ATF4: variants seen among roughly 807,000 people sequenced by gnomAD.
ATF4 encodes the protein activating transcription factor 4.
In ATF4, 8 loss-of-function variants were observed where a neutral mutation model predicts 21.0. The observed-to-expected ratio is 0.38, with a 90% CI of 0.22 to 0.69. ATF4 has a LOEUF of 0.69. Among genes scored for constraint, ATF4 ranks in the 30% least tolerant of loss-of-function variants. The pLI is 0.49. For synonymous variants in ATF4, 241 were observed against 166.4 expected, an observed-to-expected ratio of 1.45 and a Z score of -3.45; for missense variants, 549 against 425.9, an observed-to-expected ratio of 1.29 and a Z score of -2.54.
rs748131287 is a variant in ATF4, at chr22:39,522,045, C to G, written c.499C>G (p.Pro167Ala). The change falls in exon 3 of 3, where the codon CCA becomes GCA. Residue 167 changes from proline to alanine, a missense_variant. Transcript: ENST00000674920. ...CTTCTTACAACCTCTTCCCCTTTCC[C>G]CAGGGGTCCTGTCCTCCACTCCAGA... The part of the protein sequence containing the change: ...FTFLQPLPLS[P>A]GVLSSTPDHS... 3 of 1,613,914 alleles carry G rather than the reference C, an allele frequency of 1.9e-6. No individual in the cohort carries two copies. The South Asian group carries it at 3.3e-5, about 18-fold the overall frequency.
At chr22:39,522,684 G>C, downstream of ATF4, 1 of 1,291,896 alleles carries the variant, frequency 7.7e-7, no homozygotes, top group Non-Finnish European at 1.0e-6. Flanking sequence ...TGTAGGGAAA[G>C]TACTTGTGCG....
chr22:39,521,129 T>C (rs540961734), intron 1 of ATF4: 10 of 187,528 alleles, frequency 5.3e-5, no homozygotes, highest in African/African-American at 2.1e-4. Context: ...TATTTGGACG[T>C]GGGGACGGAG....
Position 39,522,460 on chromosome 22 carries a change from C to T in ATF4, c.914C>T (p.Ala305Val), listed in dbSNP as rs764347691. The part of the protein sequence containing the change: ...YRQKKRAEQE[A>V]LTGECKELEK... The stretch of plus-strand genomic sequence containing the variant: ...CAGAAGAAGAGGGCGGAGCAGGAGG[C>T]TCTTACTGGTGAGTGCAAAGAGCTG... The change falls in exon 3 of 3, where the codon GCT (alanine) becomes GTT (valine). Residue 305 changes from alanine (A) to valine (V), a missense_variant. By Grantham distance (64) the Ala-to-Val change is moderately conservative. Coordinates refer to ENST00000674920, the MANE Select transcript of ATF4 (RefSeq NM_182810.3). The T allele has an allele frequency of 9.3e-6, 15 of 1,613,736 alleles. No homozygotes were observed. In the South Asian group the frequency reaches 1.5e-4, roughly 17 times the overall value.
chr22:39,521,237 G>GC (rs1753498579), intron 1 of ATF4, 117 bp from the exon 2 acceptor site: 1 of 447,580 alleles, frequency 2.2e-6, no homozygotes, highest in Non-Finnish European at 4.0e-6. Context: ...AAATACAACT[G>GC]CCCTGTTCCC....
intron 1 of ATF4, chr22:39,521,088 G>A (rs1199112466): frequency 5.9e-6 from 1 of 168,444 alleles, no homozygotes; most frequent in African/African-American, 2.4e-5. Flanking sequence ...GTCAAGGGCG[G>A]GCGGTGGGCG....
At position 39,521,976 on chromosome 22, in the gene ATF4, C is replaced by T; in HGVS notation, c.430C>T (p.Leu144Phe). 6.2e-7 allele frequency: 1 copy of T among 1,613,580 alleles called. No individual in the cohort carries two copies. The highest frequency in any genetic ancestry group is 8.5e-7 in the Non-Finnish European group (1 of 1,179,802). The change falls in exon 3 of 3, where the codon CTC (leucine) becomes TTC (phenylalanine). Residue 144 changes from leucine to phenylalanine, a missense_variant. Leu to Phe is a conservative substitution (Grantham distance 22). Transcript: ENST00000674920. The part of the protein sequence containing the change: ...PPQTVNPIGH[L>F]PESLTKPDQV... ...CCAGACGGTGAACCCAATTGGCCAT[C>T]TCCCAGAAAGTTTAACAAAACCCGA...
chr22:39,522,530 C>T lies in ATF4; in HGVS notation c.984C>T (p.Ala328=). Residue 328 remains alanine (A), a synonymous_variant, in exon 3 of 3, where the codon GCC becomes GCT. Transcript: ENST00000674920. ...EALKERADSL[A]KEIQYLKDLI... is the part of the protein sequence containing the mutation. ...TAAAAGAGAGGGCGGATTCCCTGGC[C>T]AAGGAGATCCAGTACCTGAAAGATT... The T allele has an allele frequency of 6.2e-7, 1 of 1,601,366 alleles. No individual in the cohort carries two copies. Among genetic ancestry groups the T allele is most frequent in the South Asian group, 1.1e-5 (1 of 89,412 alleles).
chr22:39,521,345 CTCA>C lies in ATF4; in HGVS notation c.-92-7_-92-5del. The stretch of plus-strand genomic sequence containing the variant: ...CTCTAATGGGAGTTGGCTTCTGATT[CTCA>C]TTCAGGCTTCTCACGGCATTCAGCA... On this transcript the variant is annotated splice_region_variant and splice_polypyrimidine_tract_variant and intron_variant, in intron 1 of 2. Transcript: ENST00000674920. 9.6e-7 allele frequency: 1 copy of C among 1,036,938 alleles called. No individual in the cohort carries two copies. The highest frequency in any genetic ancestry group is 1.4e-6 in the Non-Finnish European group (1 of 706,258). The allele number at this position is 1,036,938 out of a possible 1,614,324, so 64.2% of individuals were successfully genotyped here.
rs1930991857 is a variant in ATF4 at position 39,522,134 on chromosome 22, C to G, written c.588C>G (p.Asp196Glu). The change falls in exon 3 of 3, where the codon GAC (aspartate) becomes GAG (glutamate). Residue 196 changes from aspartate to glutamate, a missense_variant. Asp to Glu is a conservative substitution (Grantham distance 45). Coordinates refer to ENST00000674920, the MANE Select transcript of ATF4 (RefSeq NM_182810.3). The stretch of plus-strand genomic sequence containing the variant: ...TCACTGAAGGAGATAGGAAGCCAGA[C>G]TACACTGCTTACGTTGCCATGATCC... ...VDITEGDRKP[D>E]YTAYVAMIPQ... The G allele has an allele frequency of 6.2e-7, 1 of 1,613,790 alleles. No individual in the cohort carries two copies. The highest frequency in any genetic ancestry group is 8.5e-7 in the Non-Finnish European group (1 of 1,179,840).
intron 2 of ATF4, 34 bp from the exon 3 acceptor site, chr22:39,521,739 A>G: frequency 2.5e-6 from 4 of 1,610,542 alleles, no homozygotes; most frequent in Non-Finnish European, 3.4e-6. Flanking sequence ...TTTGTATCTG[A>G]CTCACTTGGC....
At position 39,522,147 on chromosome 22, in the gene ATF4, G is replaced by C. The variant is rs2228181; in HGVS notation, c.601G>C (p.Val201Leu). 35 of 1,613,768 alleles carry C rather than the reference G, an allele frequency of 2.2e-5. No individual in the cohort carries two copies. Among genetic ancestry groups the C allele is most frequent in the Admixed American group, 3.3e-5 (2 of 60,002 alleles). Residue 201 changes from valine (V) to leucine (L), a missense_variant, in exon 3 of 3, where the codon GTT (valine) becomes CTT (leucine). Transcript: ENST00000674920. ...GDRKPDYTAY[V>L]AMIPQCIKEE... ...TAGGAAGCCAGACTACACTGCTTAC[G>C]TTGCCATGATCCCTCAGTGCATAAA... is the stretch of plus-strand genomic sequence containing the variant.
intron 1 of ATF4, chr22:39,520,956 C>T (rs1930899993): frequency 6.5e-6 from 1 of 152,984 alleles, no homozygotes; most frequent in African/African-American, 2.4e-5. Context: ...CGGACTGCTT[C>T]CCCAGGAGCC....
At position 39,522,226 on chromosome 22, in the gene ATF4, C is replaced by G; in HGVS notation, c.680C>G (p.Ser227Cys). The change falls in exon 3 of 3, where the codon TCC becomes TGC. Residue 227 changes from serine to cysteine, a missense_variant. Coordinates refer to ENST00000674920, the MANE Select transcript of ATF4 (RefSeq NM_182810.3). ...AGTGGCATCTGTATGAGCCCAGAGT[C>G]CTATCTGGGGTCTCCTCAGCACAGC... ...NDSGICMSPE[S>C]YLGSPQHSPS... is the part of the protein sequence containing the mutation. 1 of 1,609,134 alleles carries G rather than the reference C, an allele frequency of 6.2e-7. No individual in the cohort carries two copies. The highest frequency in any genetic ancestry group is 8.5e-7 in the Non-Finnish European group (1 of 1,177,052).
In ATF4 at chr22:39,520,586, A is replaced by C. The variant is rs769021949; in HGVS notation, c.-258A>C. ...CCATTTCTACTTTGCCCGCCCACAG[A>C]TGTAGTTTTCTCTGCGCGTGTGCGT... On this transcript the variant is annotated 5_prime_UTR_variant, in exon 1 of 3. The change abolishes an upstream ATG in the 5' untranslated region. Coordinates refer to ENST00000674920, the MANE Select transcript of ATF4 (RefSeq NM_182810.3). The C allele has an allele frequency of 1.3e-5, 2 of 152,708 alleles. No homozygotes were observed. The highest frequency in any genetic ancestry group is 2.1e-4 in the South Asian group (1 of 4,848). 9.5% of individuals were successfully genotyped at this position (152,708 alleles called of 1,614,324 possible).
chr22:39,522,233 G>A lies in ATF4; in HGVS notation c.687G>A (p.Leu229=), dbSNP rs758440007. The A allele has an allele frequency of 2.1e-5, 33 of 1,608,726 alleles. No individual in the cohort carries two copies. Among genetic ancestry groups the A allele is most frequent in the Non-Finnish European group, 8.5e-7 (1 of 1,176,978 alleles). The part of the protein sequence containing the change: ...SGICMSPESY[L]GSPQHSPSTR... The stretch of plus-strand genomic sequence containing the variant: ...TCTGTATGAGCCCAGAGTCCTATCT[G>A]GGGTCTCCTCAGCACAGCCCCTCTA... The change falls in exon 3 of 3, where the codon CTG becomes CTA. Residue 229 remains leucine, a synonymous_variant. Transcript: ENST00000674920.
At position 39,522,132 on chromosome 22, in the gene ATF4, G is replaced by A. The variant is rs772487305; in HGVS notation, c.586G>A (p.Asp196Asn). 5 of 1,613,932 alleles carry A rather than the reference G, an allele frequency of 3.1e-6. No homozygotes were observed. The East Asian group carries it at 1.1e-4, about 36-fold the overall frequency. The change falls in exon 3 of 3, where the codon GAC (aspartate) becomes AAC (asparagine). Residue 196 changes from aspartate to asparagine, a missense_variant. Asp to Asn is a conservative substitution (Grantham distance 23). Transcript: ENST00000674920. ...VDITEGDRKP[D>N]YTAYVAMIPQ... The stretch of plus-strand genomic sequence containing the variant: ...TATCACTGAAGGAGATAGGAAGCCA[G>A]ACTACACTGCTTACGTTGCCATGAT...
At position 39,522,165 on chromosome 22, in the gene ATF4, T is replaced by A. The variant is rs1930995274; in HGVS notation, c.619T>A (p.Cys207Ser). The change falls in exon 3 of 3, where the codon TGC becomes AGC. Residue 207 changes from cysteine to serine, a missense_variant. Physicochemically the swap from Cys to Ser is moderately radical, Grantham distance 112. Transcript: ENST00000674920. Reference protein sequence around the residue: ...YTAYVAMIPQCIKEEDTPSDN... With the variant: ...YTAYVAMIPQSIKEEDTPSDN... ...TGCTTACGTTGCCATGATCCCTCAGTGCATAAAGGAGGAAGACACCCCTTC... is the reference window on the plus strand; with the variant it reads ...TGCTTACGTTGCCATGATCCCTCAGAGCATAAAGGAGGAAGACACCCCTTC... The A allele has an allele frequency of 6.2e-7, 1 of 1,612,950 alleles. No individual in the cohort carries two copies. Among genetic ancestry groups the A allele is most frequent in the South Asian group, 1.1e-5 (1 of 91,014 alleles).
chr22:39,522,366 A>C lies in ATF4; in HGVS notation c.820A>C (p.Lys274Gln), dbSNP rs767533408. 3 of 1,612,866 alleles carry C rather than the reference A, an allele frequency of 1.9e-6. No homozygotes were observed. The highest frequency in any genetic ancestry group is 2.5e-6 in the Non-Finnish European group (3 of 1,179,418). The change falls in exon 3 of 3, where the codon AAG becomes CAG. Residue 274 changes from lysine to glutamine, a missense_variant. By Grantham distance (53) the Lys-to-Gln change is moderately conservative. Transcript: ENST00000674920. ...PGEKMVAAKV[K>Q]GEKLDKKLKK... Reference sequence around the variant, plus strand: ...AGAGAAGATGGTAGCAGCAAAAGTAAAGGGTGAGAAACTGGATAAGAAGCT... The same window carrying C: ...AGAGAAGATGGTAGCAGCAAAAGTACAGGGTGAGAAACTGGATAAGAAGCT...
rs775205463 is a variant in ATF4 at position 39,521,951 on chromosome 22, C to G, written c.405C>G (p.Pro135=). Residue 135 remains proline, a synonymous_variant, in exon 3 of 3, where the codon CCC becomes CCG. Coordinates refer to ENST00000674920, the MANE Select transcript of ATF4 (RefSeq NM_182810.3). ...TCCAGGAGACTAATAAGCAGCCCCC[C>G]CAGACGGTGAACCCAATTGGCCATC... The part of the protein sequence containing the change: ...PLVQETNKQP[P]QTVNPIGHLP... 1.2e-6 allele frequency: 2 copies of G among 1,613,340 alleles called. No individual in the cohort carries two copies. The highest frequency in any genetic ancestry group is 1.7e-5 in the Admixed American group (1 of 59,946).
Sources: gnomAD v4.1 joint callset for allele counts on GRCh38, gnomAD v4.1.1 for gene constraint, MANE v1.5 for transcripts, NCBI Gene and HGNC (gene_info 2026-07-23, HGNC 2026-07-21) for gene names.